MYRF: variants seen among roughly 807,000 people sequenced by gnomAD.
The protein encoded by MYRF is myelin gene regulatory factor.
Under a neutral mutation model 126.3 loss-of-function variants are expected in MYRF, and 16 were observed. That is an observed-to-expected ratio of 0.13 (90% CI 0.09 to 0.19). MYRF has a LOEUF of 0.19. MYRF is among the 10% of genes least tolerant of loss of function. MYRF has a pLI of 1.00. For missense variants in MYRF, 1,104 were observed against 1,547.0 expected (o/e 0.71, Z 4.80); for synonymous variants, 608 against 635.3 (o/e 0.96, Z 0.65).
intron 1 of MYRF, among the ~76,000 whole-genome samples, chr11:61,763,386 C>T (rs1000557222): frequency 6.6e-6 from 1 of 152,224 alleles, no homozygotes; most frequent in African/African-American, 2.4e-5. Context: ...TCAGTGTGAG[C>T]TGCAGTCACT....
intron 22 of MYRF, 95 bp downstream of exon 22, chr11:61,781,919 G>A: frequency 7.2e-7 from 1 of 1,397,098 alleles, no homozygotes; most frequent in Non-Finnish European, 9.4e-7. Flanking sequence ...TCTGGGTTCA[G>A]ACTTGTCAGT....
At position 61,783,757 on chromosome 11, in the gene MYRF, G is replaced by T; in HGVS notation, c.3120-94G>T. ...ACCCTTGGACACTGTCTCTTCTGGA[G>T]GGCTCCAGTACAGATTGGGGGCTGA... On this transcript the variant is annotated intron_variant, in intron 23 of 26. Transcript: ENST00000278836. The surrounding 1 kb of genome is among the most constrained non-coding windows in gnomAD (Gnocchi z 4.6). 7.1e-7 allele frequency: 1 copy of T among 1,401,296 alleles called. No individual in the cohort carries two copies. The highest frequency in any genetic ancestry group is 9.9e-7 in the Non-Finnish European group (1 of 1,013,212). 86.8% of individuals were successfully genotyped at this position (1,401,296 alleles called of 1,614,324 possible). A position where few individuals can be genotyped will look rare whatever the true frequency, so the allele number is the denominator to read the frequency against.
Position 61,776,914 on chromosome 11 carries a change from C to T in MYRF, c.1590+37C>T. The T allele has an allele frequency of 6.6e-7, 1 of 1,513,030 alleles. No individual in the cohort carries two copies. The highest frequency in any genetic ancestry group is 8.9e-7 in the Non-Finnish European group (1 of 1,118,776). The allele number at this position is 1,513,030 out of a possible 1,614,324, so 93.7% of individuals were successfully genotyped here. A position where few individuals can be genotyped will look rare whatever the true frequency, so the allele number is the denominator to read the frequency against. On this transcript the variant is annotated intron_variant, in intron 11 of 26. Transcript: ENST00000278836. The surrounding 1 kb of genome is among the most constrained non-coding windows in gnomAD (Gnocchi z 4.3). ...CTCCTCCCAGGGCGTAGACAGCCCT[C>T]CCCAGGACTGGGAGAAACAGCAAGC...
At chr11:61,771,041 G>C (rs1254521916) in intron 5 of MYRF, among the ~76,000 whole-genome samples, 1 of 152,250 alleles carries the variant, frequency 6.6e-6, no homozygotes. Flanking sequence ...TAAACCAGAA[G>C]GGGAAGGAGT....
Position 61,786,384 on chromosome 11 carries a change from C to A in MYRF, c.*241C>A, listed in dbSNP as rs1013251641. On this transcript the variant is annotated 3_prime_UTR_variant, in exon 27 of 27. Coordinates refer to ENST00000278836, the MANE Select transcript of MYRF (RefSeq NM_001127392.3). The surrounding 1 kb of genome is among the most constrained non-coding windows in gnomAD (Gnocchi z 4.5). ...TCTTGGGCCTTCCTGCCTGCCACCC[C>A]CTAGGGGCCAGGACAGGACCAGTTT... 5.2e-6 allele frequency: 3 copies of A among 573,458 alleles called. No homozygotes were observed. Among genetic ancestry groups the A allele is most frequent in the Admixed American group, 6.0e-5 (2 of 33,062 alleles). The allele number at this position is 573,458 out of a possible 1,614,324, so 35.5% of individuals were successfully genotyped here.
chr11:61,770,315 A>G lies in MYRF; in HGVS notation c.530A>G (p.His177Arg), dbSNP rs1433963641. The stretch of plus-strand genomic sequence containing the variant: ...GTGGGAGTGCCCTCCCGCCTGGAGC[A>G]TCCGCCCCCACCTCCAGCCCACTTG... ...CHVGVPSRLE[H>R]PPPPPAHLPG... Residue 177 changes from histidine (H) to arginine (R), a missense_variant, in exon 5 of 27, where the codon CAT (histidine) becomes CGT (arginine). Around this residue, in one of 10 missense-constraint regions of MYRF, gnomAD observed 368 missense variants for 403.9 expected, o/e 0.91. Coordinates refer to ENST00000278836, the MANE Select transcript of MYRF (RefSeq NM_001127392.3). 1.3e-6 allele frequency: 2 copies of G among 1,595,114 alleles called. No individual in the cohort carries two copies. The highest frequency in any genetic ancestry group is 1.1e-5 in the South Asian group (1 of 88,364).
At position 61,771,436 on chromosome 11, in the gene MYRF, T is replaced by A. The variant is rs2066215575; in HGVS notation, c.741-64T>A. The A allele has an allele frequency of 1.4e-5, 22 of 1,565,460 alleles. 1 individual carries two copies. The South Asian group carries it at 2.6e-4, about 19-fold the overall frequency. On this transcript the variant is annotated intron_variant, in intron 5 of 26. Coordinates refer to ENST00000278836, the MANE Select transcript of MYRF (RefSeq NM_001127392.3). The stretch of plus-strand genomic sequence containing the variant: ...AGGCTAGAGAGGGGAGAGAGGTGGA[T>A]ACTACCCAGTGGGAGGGGCTCGGGG...
chr11:61,755,700 G>A, intron 1 of MYRF: 1 of 688,686 alleles, frequency 1.5e-6, no homozygotes, highest in South Asian at 1.5e-5. Context: ...CCCAGCCCTG[G>A]GAAGGAGAGA....
intron 7 of MYRF, 40 bp downstream of exon 7, chr11:61,771,992 C>G (rs774197948): frequency 1.8e-5 from 29 of 1,610,112 alleles, no homozygotes; most frequent in Non-Finnish European, 2.4e-5. Context: ...CCAGGCCCCC[C>G]CACCTTGGGA....
Position 61,781,748 on chromosome 11 carries a change from C to T in MYRF, c.2940C>T (p.Phe980=), listed in dbSNP as rs560306007. 3.7e-6 allele frequency: 6 copies of T among 1,612,132 alleles called. No homozygotes were observed. In the African/African-American group the frequency reaches 6.7e-5, roughly 18 times the overall value. ...CCAAGAACAGTCCCAGCCTTGGTTT[C>T]CATGGCCGGGCCCGCCGAGGGGCCC... ...GKAKNSPSLG[F]HGRARRGALQ... The change falls in exon 22 of 27, where the codon TTC becomes TTT. Residue 980 remains phenylalanine (F), a synonymous_variant. Coordinates refer to ENST00000278836, the MANE Select transcript of MYRF (RefSeq NM_001127392.3).
At chr11:61,766,318 G>C in intron 3 of MYRF, 97 bp downstream of exon 3, 1 of 1,352,930 alleles carries the variant, frequency 7.4e-7, no homozygotes, top group Non-Finnish European at 9.8e-7. Context: ...CACTGGCCTG[G>C]CATGGGATGG....
At chr11:61,775,364 T>G (rs1471851014) in intron 8 of MYRF, among the ~76,000 whole-genome samples, 1 of 152,168 alleles carries the variant, frequency 6.6e-6, no homozygotes, top group Non-Finnish European at 1.5e-5. Flanking sequence ...TTGCCTTGGA[T>G]GCCCTTCCCA....
chr11:61,767,331 G>A (rs892587922), intron 3 of MYRF: 9 of 456,574 alleles, frequency 2.0e-5, no homozygotes, highest in Non-Finnish European at 8.8e-6. Context: ...GCCTATGATT[G>A]CGTGAGCTCA....
In MYRF at chr11:61,785,602, G is replaced by A. The variant is rs1418365085; in HGVS notation, c.3301-198G>A. On this transcript the variant is annotated intron_variant, in intron 25 of 26. Transcript: ENST00000278836. ...AGGTGGCTGTGGACCTGCCAGTCCC[G>A]GGCACGGTCTGCATGGAGTAGCTGC... 14 of 593,820 alleles carry A rather than the reference G, an allele frequency of 2.4e-5. No individual in the cohort carries two copies. The Admixed American group carries it at 2.6e-4, about 11-fold the overall frequency. 36.8% of individuals were successfully genotyped at this position (593,820 alleles called of 1,614,324 possible).
At chr11:61,756,318 C>T (rs955453894) in intron 1 of MYRF, among the ~76,000 whole-genome samples, 1 of 152,092 alleles carries the variant, frequency 6.6e-6, no homozygotes, top group Admixed American at 6.5e-5. Context: ...GAGGGGGCTA[C>T]CTGTCAGGGA....
chr11:61,770,177 G>T (rs1591101618), intron 4 of MYRF, 69 bp from the exon 5 acceptor site: 1 of 602,000 alleles, frequency 1.7e-6, no homozygotes, highest in Non-Finnish European at 2.6e-6. Flanking sequence ...ACTCTGCCTT[G>T]GGGAGGACAG....
Position 61,765,677 on chromosome 11 carries a change from G to T in MYRF, c.99G>T (p.Leu33=), listed in dbSNP as rs776503416. 3.7e-6 allele frequency: 6 copies of T among 1,612,930 alleles called. No individual in the cohort carries two copies. The highest frequency in any genetic ancestry group is 4.2e-6 in the Non-Finnish European group (5 of 1,179,864). Residue 33 remains leucine (L), a synonymous_variant, in exon 2 of 27, where the codon CTG becomes CTT. Coordinates refer to ENST00000278836, the MANE Select transcript of MYRF (RefSeq NM_001127392.3). ...CCTCCAACATAGACACCAGCATCCT[G>T]GAGGAGTACATCAGCAAGGAGGATG... is the stretch of plus-strand genomic sequence containing the variant. The part of the protein sequence containing the change: ...LEPSNIDTSI[L]EEYISKEDAS...
At position 61,757,649 on chromosome 11, in the gene MYRF, T is replaced by C; in HGVS notation, c.46+4859T>C. 2.3e-6 allele frequency: 1 copy of C among 426,388 alleles called. No individual in the cohort carries two copies. The highest frequency in any genetic ancestry group is 4.7e-6 in the Non-Finnish European group (1 of 210,754). The allele number at this position is 426,388 out of a possible 1,614,324, so 26.4% of individuals were successfully genotyped here. On this transcript the variant is annotated intron_variant, in intron 1 of 26. Transcript: ENST00000278836. This position sits in a 1 kb window ranked among gnomAD's most constrained non-coding sequence, Gnocchi z 4.7. ...CACATCCAGTGGGGCCCGCCCCACC[T>C]CCCCCTCTGAGATTTGGGTTCTGTT...
At chr11:61,758,701 CCCG>C (rs2065827438) in intron 1 of MYRF, among the ~76,000 whole-genome samples, 1 of 152,160 alleles carries the variant, frequency 6.6e-6, no homozygotes, top group Non-Finnish European at 1.5e-5. Flanking sequence ...ACCGGCTGTC[CCCG>C]CCATCTGGAA....
Sources: allele counts gnomAD v4.1 joint callset (sites outside exome capture counted in the v4.1 genomes callset), GRCh38; gene constraint gnomAD v4.1.1; regional missense constraint gnomAD v4.1.1; non-coding constraint Gnocchi (gnomAD v3.1); transcripts MANE v1.5; gene names NCBI Gene and HGNC (gene_info 2026-07-23, HGNC 2026-07-21).